Variants in SULT1B1 observed in about 807,000 individuals in gnomAD.
The protein encoded by SULT1B1 is sulfotransferase family 1B member 1.
SULT1B1 carries 28 observed loss-of-function variants against 34.6 expected under a neutral mutation model. That is an observed-to-expected ratio of 0.81 (90% CI 0.60 to 1.11). The LOEUF is 1.11. Among genes scored for constraint, SULT1B1 ranks in the 50% least tolerant of loss-of-function variants. SULT1B1 has a pLI of 0.00. For synonymous variants in SULT1B1, 147 were observed against 110.2 expected (o/e 1.33, Z -2.09); for missense variants, 374 against 352.2 (o/e 1.06, Z -0.50).
chr4:69,740,898 C>G (rs893088089), intron 4 of SULT1B1, among the ~76,000 whole-genome samples: 1 of 152,066 alleles, frequency 6.6e-6, no homozygotes, highest in Non-Finnish European at 1.5e-5. Context: ...TTAATTAGGT[C>G]CCTCTTCAAC....
chr4:69,747,592 T>TG (rs1405407392), intron 4 of SULT1B1, among the ~76,000 whole-genome samples: 2 of 152,178 alleles, frequency 1.3e-5, no homozygotes, highest in African/African-American at 2.4e-5. Context: ...TGGAGAGCCT[T>TG]GGGGGATGGG....
chr4:69,727,229 G>C, intron 7 of SULT1B1, 29 bp from the exon 8 acceptor site: 6 of 1,550,120 alleles, frequency 3.9e-6, no homozygotes, highest in Non-Finnish European at 5.3e-6. Context: ...ACATAGGAAA[G>C]AATAAAATAT....
At chr4:69,747,435 C>G (rs1387018241) in intron 4 of SULT1B1, among the ~76,000 whole-genome samples, 3 of 152,224 alleles carry the variant, frequency 2.0e-5, no homozygotes, top group Non-Finnish European at 2.9e-5. Context: ...AGGCTGTGCA[C>G]TAAGCCAGTG....
chr4:69,751,543 C>T (rs1718982108), intron 3 of SULT1B1, among the ~76,000 whole-genome samples: 1 of 152,094 alleles, frequency 6.6e-6, no homozygotes, highest in South Asian at 2.1e-4. Context: ...GCTCTGCCTC[C>T]CGGGTTCACG....
In SULT1B1 at chr4:69,734,391, C is replaced by T. The variant is rs982245476; in HGVS notation, c.376-127G>A. On this transcript the variant is annotated intron_variant, in intron 4 of 7. Transcript: ENST00000310613. ...AAATAGAAATTGTGGGCCAGGGAGG[C>T]CCTTCTATTAACAGCTAAAATATAG... 5.0e-6 allele frequency: 5 copies of T among 996,812 alleles called. No individual in the cohort carries two copies. In the South Asian group the frequency reaches 6.9e-5, roughly 14 times the overall value. The allele number at this position is 996,812 out of a possible 1,614,324, so 61.7% of individuals were successfully genotyped here. A position where few individuals can be genotyped will look rare whatever the true frequency, so the allele number is the denominator to read the frequency against.
chr4:69,733,874 A>G (rs1470534150), intron 5 of SULT1B1, among the ~76,000 whole-genome samples: 1 of 152,178 alleles, frequency 6.6e-6, no homozygotes, highest in South Asian at 2.1e-4. Flanking sequence ...AACAATGTCT[A>G]TTGTGAGGAG....
chr4:69,751,094 A>G (rs1287887060), intron 3 of SULT1B1, among the ~76,000 whole-genome samples: 1 of 152,236 alleles, frequency 6.6e-6, no homozygotes, highest in Non-Finnish European at 1.5e-5. Context: ...TTATTTGCCA[A>G]TATAAATGAC....
intron 4 of SULT1B1, among the ~76,000 whole-genome samples, chr4:69,735,009 G>T (rs1010973391): frequency 3.3e-5 from 5 of 151,938 alleles, no homozygotes; most frequent in African/African-American, 1.2e-4. Flanking sequence ...TAGTAGAGAC[G>T]GGGTTTCACC....
chr4:69,747,600 G>A (rs185079557), intron 4 of SULT1B1, among the ~76,000 whole-genome samples: 8 of 152,314 alleles, frequency 5.3e-5, no homozygotes, highest in Admixed American at 5.2e-4. Flanking sequence ...CTTGGGGGAT[G>A]GGCATCTATG....
chr4:69,754,043 T>C (rs191815575), intron 3 of SULT1B1, among the ~76,000 whole-genome samples: 99 of 152,318 alleles, frequency 6.5e-4, no homozygotes, highest in African/African-American at 2.0e-3. Flanking sequence ...ATTAAACTCA[T>C]TTAATTTGTC....
intron 4 of SULT1B1, among the ~76,000 whole-genome samples, chr4:69,747,597 G>T (rs75305466): frequency 6.6e-6 from 1 of 152,186 alleles, no homozygotes; most frequent in Non-Finnish European, 1.5e-5. Context: ...AGCCTTGGGG[G>T]ATGGGCATCT....
rs141546886 is a variant in SULT1B1, at chr4:69,733,504, G to T, written c.506C>A (p.Ala169Asp). 18 of 1,594,074 alleles carry T rather than the reference G, an allele frequency of 1.1e-5. No homozygotes were observed. The African/African-American group carries it at 2.3e-4, about 20-fold the overall frequency. ...YLEKFLTGKV[A>D]YGSWFTHVKN... The stretch of plus-strand genomic sequence containing the variant: ...AACATGAGTAAACCAGGAACCATAG[G>T]CCACTAAAACCAGATAAAAGTCTAT... The change falls in exon 6 of 8, where the codon GCC (alanine) becomes GAC (aspartate). Residue 169 changes from alanine (A) to aspartate (D), a missense_variant. Transcript: ENST00000310613.
intron 7 of SULT1B1, 76 bp downstream of exon 7, chr4:69,730,425 T>C (rs556486290): frequency 1.5e-6 from 2 of 1,357,730 alleles, no homozygotes; most frequent in Admixed American, 4.1e-5. Context: ...TTAGTAGAGA[T>C]CACAGAACTA....
chr4:69,722,904 G>A lies in SULT1B1; in HGVS notation c.*4184C>T, dbSNP rs1717700511. The A allele has an allele frequency of 6.6e-6, 1 of 151,752 alleles. No homozygotes were observed. The highest frequency in any genetic ancestry group is 6.6e-5 in the Admixed American group (1 of 15,174). The allele number at this position is 151,752 out of a possible 1,614,324, so 9.4% of individuals were successfully genotyped here. A position where few individuals can be genotyped will look rare whatever the true frequency, so the allele number is the denominator to read the frequency against. The stretch of plus-strand genomic sequence containing the variant: ...AAGGGCCCAGGGTACTGTACCTTCA[G>A]CTTGAGAACCATGGCTTGGCATATA... On this transcript the variant is annotated 3_prime_UTR_variant, in exon 8 of 8. Transcript: ENST00000310613.
chr4:69,749,317 A>C (rs984226936), intron 4 of SULT1B1, among the ~76,000 whole-genome samples: 8 of 152,188 alleles, frequency 5.3e-5, no homozygotes, highest in African/African-American at 1.9e-4. Flanking sequence ...ATAGCACTGT[A>C]GCTATTAAAT....
chr4:69,727,099 T>C lies in SULT1B1; in HGVS notation c.880A>G (p.Thr294Ala), dbSNP rs1350426645. 1.2e-6 allele frequency: 2 copies of C among 1,603,978 alleles called. No individual in the cohort carries two copies. Among genetic ancestry groups the C allele is most frequent in the Non-Finnish European group, 1.7e-6 (2 of 1,175,574 alleles). ...GTGATTTAGACACTTTAAATCTCTGTGCGGAATTGAAGTGCAGTTTTGGAC... is the reference window on the plus strand; with the variant it reads ...GTGATTTAGACACTTTAAATCTCTGCGCGGAATTGAAGTGCAGTTTTGGAC... Reference protein sequence around the residue: ...EMSKTALQFRTEI With the variant: ...EMSKTALQFRAEI Residue 294 changes from threonine (T) to alanine (A), a missense_variant, in exon 8 of 8, where the codon ACA becomes GCA. Thr to Ala is a moderately conservative substitution (Grantham distance 58). Coordinates refer to ENST00000310613, the MANE Select transcript of SULT1B1 (RefSeq NM_014465.4).
chr4:69,727,825 TA>T (rs1717894912), intron 7 of SULT1B1, among the ~76,000 whole-genome samples: 1 of 151,992 alleles, frequency 6.6e-6, no homozygotes, highest in South Asian at 2.1e-4. Context: ...TCTTTGAGGA[TA>T]AAAATTTAAA....
chr4:69,753,483 A>G (rs1719061693), intron 3 of SULT1B1, among the ~76,000 whole-genome samples: 1 of 152,198 alleles, frequency 6.6e-6, no homozygotes, highest in Admixed American at 6.5e-5. Flanking sequence ...AAATGAGAAA[A>G]TGTTTTAAGA....
Position 69,730,675 on chromosome 4 carries a change from T to A in SULT1B1, c.604A>T (p.Lys202Ter). 1 of 1,611,320 alleles carries A rather than the reference T, an allele frequency of 6.2e-7. No individual in the cohort carries two copies. Among genetic ancestry groups the A allele is most frequent in the Non-Finnish European group, 8.5e-7 (1 of 1,179,262 alleles). ...LYYEDMKENP[K>*]EEIKKIIRFL... ...CTAATGATCTTCTTGATTTCCTCCTTTGGATTCTATTAGTGGGTAAAACCC... is the reference window on the plus strand; with the variant it reads ...CTAATGATCTTCTTGATTTCCTCCTATGGATTCTATTAGTGGGTAAAACCC... The change falls in exon 7 of 8, where the codon AAG becomes TAG. Residue 202 changes from lysine to a stop codon, truncating the protein, a stop_gained. Coordinates refer to ENST00000310613, the MANE Select transcript of SULT1B1 (RefSeq NM_014465.4). LOFTEE classifies it high-confidence loss of function.
Sources: allele counts gnomAD v4.1 joint callset (sites outside exome capture counted in the v4.1 genomes callset), GRCh38; gene constraint gnomAD v4.1.1; transcripts MANE v1.5; gene names NCBI Gene and HGNC (gene_info 2026-07-23, HGNC 2026-07-21).